The following DGKB variants were observed in gnomAD, a reference collection of about 807,000 sequenced individuals.
The protein encoded by DGKB is 90 kDa diacylglycerol kinase.
DGKB carries 67 observed loss-of-function variants against 114.3 expected under a neutral mutation model. That is an observed-to-expected ratio of 0.59 (90% CI 0.48 to 0.72). DGKB has a LOEUF of 0.72. DGKB is among the 30% of genes least tolerant of loss of function. DGKB has a pLI of 0.00. For missense variants in DGKB, 907 were observed against 975.2 expected, an observed-to-expected ratio of 0.93 and a Z score of 0.93; for synonymous variants, 398 against 323.1, an observed-to-expected ratio of 1.23 and a Z score of -2.49.
intron 21 of DGKB, among the ~76,000 whole-genome samples, chr7:14,382,687 A>G (rs1819679989): frequency 6.6e-6 from 1 of 152,216 alleles, no homozygotes; most frequent in South Asian, 2.1e-4. Context: ...AGAAGTATTT[A>G]TGATATGAAG....
intron 1 of DGKB, among the ~76,000 whole-genome samples, chr7:14,912,874 G>A (rs1784063392): frequency 6.6e-6 from 1 of 152,086 alleles, no homozygotes; most frequent in African/African-American, 2.4e-5. Context: ...CGTACAGAAA[G>A]CACTTCTCTG....
chr7:14,604,739 G>C (rs1804170130), intron 17 of DGKB, among the ~76,000 whole-genome samples: 1 of 152,078 alleles, frequency 6.6e-6, no homozygotes, highest in East Asian at 1.9e-4. Context: ...AGAAAACAGG[G>C]CTGGGAGGAT....
At chr7:14,950,514 G>A (rs1786129475) in intron 1 of DGKB, among the ~76,000 whole-genome samples, 1 of 151,646 alleles carries the variant, frequency 6.6e-6, no homozygotes, top group Non-Finnish European at 1.5e-5. Context: ...ATTTTAGTTG[G>A]ATTGATCAAG....
At chr7:14,160,102 C>G (rs536223969) in intron 25 of DGKB, among the ~76,000 whole-genome samples, 2 of 152,214 alleles carry the variant, frequency 1.3e-5, no homozygotes, top group African/African-American at 4.8e-5. Context: ...ATGATATAAT[C>G]TATCAAAAGT....
chr7:14,892,517 ATG>A (rs1554334284), intron 1 of DGKB, among the ~76,000 whole-genome samples: 1 of 151,272 alleles, frequency 6.6e-6, no homozygotes, highest in Non-Finnish European at 1.5e-5. Flanking sequence ...ATATAAATAA[ATG>A]TGTATATATA....
intron 20 of DGKB, among the ~76,000 whole-genome samples, chr7:14,486,096 C>A (rs929588986): frequency 6.6e-5 from 10 of 152,018 alleles, no homozygotes; most frequent in African/African-American, 2.2e-4. Context: ...TAAAGTTGGA[C>A]ATGGTCATAT....
intron 20 of DGKB, among the ~76,000 whole-genome samples, chr7:14,567,256 T>TA (rs1563533765): frequency 2.3e-5 from 1 of 43,252 alleles, no homozygotes; most frequent in African/African-American, 1.0e-4. Flanking sequence ...TATTATATAT[T>TA]TATATATTAT....
intron 1 of DGKB, among the ~76,000 whole-genome samples, chr7:14,889,191 G>C (rs1215582691): frequency 6.6e-6 from 1 of 151,618 alleles, no homozygotes; most frequent in Non-Finnish European, 1.5e-5. Context: ...ATAAACACAA[G>C]ATTAAGAATG....
chr7:14,577,389 G>A (rs1799289378), intron 19 of DGKB, among the ~76,000 whole-genome samples: 1 of 152,076 alleles, frequency 6.6e-6, no homozygotes, highest in South Asian at 2.1e-4. Flanking sequence ...AGGTCAAGGC[G>A]GGTGGATCAC....
intron 13 of DGKB, among the ~76,000 whole-genome samples, chr7:14,670,363 T>C (rs1394517885): frequency 6.6e-6 from 1 of 151,698 alleles, no homozygotes; most frequent in Non-Finnish European, 1.5e-5. Context: ...AGTGCAGTGA[T>C]GCAATCTTGG....
intron 2 of DGKB, among the ~76,000 whole-genome samples, chr7:14,831,595 T>C (rs965088273): frequency 1.3e-5 from 2 of 151,910 alleles, no homozygotes; most frequent in African/African-American, 4.8e-5. Flanking sequence ...AAAACTAAAG[T>C]AGGGGGACAG....
intron 21 of DGKB, among the ~76,000 whole-genome samples, chr7:14,452,125 A>G (rs1020051305): frequency 3.3e-5 from 5 of 152,102 alleles, no homozygotes. Flanking sequence ...TATGCTTGCA[A>G]TATTTCCTGC....
chr7:14,528,542 A>G (rs1044886700), intron 20 of DGKB, among the ~76,000 whole-genome samples: 2 of 152,112 alleles, frequency 1.3e-5, no homozygotes, highest in African/African-American at 2.4e-5. Flanking sequence ...TCATTGAACT[A>G]CATAGTAACT....
At chr7:14,359,996 G>A (rs1387390328) in intron 21 of DGKB, among the ~76,000 whole-genome samples, 2 of 151,872 alleles carry the variant, frequency 1.3e-5, no homozygotes, top group Admixed American at 1.3e-4. Context: ...ATCATGCTAC[G>A]ATAAAGACAC....
At chr7:14,776,274 AT>A (rs1838166443) in intron 2 of DGKB, among the ~76,000 whole-genome samples, 1 of 152,256 alleles carries the variant, frequency 6.6e-6, no homozygotes, top group African/African-American at 2.4e-5. Context: ...CGATAAAAAA[AT>A]AAAAATCCAT....
chr7:14,447,131 G>T (rs1830826881), intron 21 of DGKB, among the ~76,000 whole-genome samples: 1 of 152,242 alleles, frequency 6.6e-6, no homozygotes, highest in Middle Eastern at 3.4e-3. Context: ...CCAACCCCAG[G>T]TATGCACGGA....
intron 1 of DGKB, among the ~76,000 whole-genome samples, chr7:14,919,097 C>CAA (rs1554345180): frequency 0.011 from 1,054 of 98,292 alleles, 6 homozygotes; most frequent in African/African-American, 0.028. Flanking sequence ...CACACACAAA[C>CAA]ACACACACAC....
chr7:14,424,303 A>G (rs1827174693), intron 21 of DGKB, among the ~76,000 whole-genome samples: 3 of 152,014 alleles, frequency 2.0e-5, no homozygotes, highest in Admixed American at 1.3e-4. Flanking sequence ...TCTTTCCTTG[A>G]GTACACCTAA....
At chr7:14,783,866 T>C (rs1336595009) in intron 2 of DGKB, among the ~76,000 whole-genome samples, 1 of 152,172 alleles carries the variant, frequency 6.6e-6, no homozygotes, top group Non-Finnish European at 1.5e-5. Context: ...TAGTAAGTAA[T>C]TACTTTTATT....
Sources: gnomAD v4.1 joint callset for allele counts (sites outside exome capture counted in the v4.1 genomes callset) on GRCh38, gnomAD v4.1.1 for gene constraint, MANE v1.5 for transcripts, NCBI Gene and HGNC (gene_info 2026-07-23, HGNC 2026-07-21) for gene names.